Variants in MAN1C1 observed in about 807,000 individuals in gnomAD.
MAN1C1 encodes the protein mannosidase alpha class 1C member 1.
Under a neutral mutation model 71.5 loss-of-function variants are expected in MAN1C1, and 49 were observed. The observed-to-expected ratio is 0.69, with a 90% CI of 0.54 to 0.87. MAN1C1 has a LOEUF of 0.87. Among genes scored for constraint, MAN1C1 ranks in the 40% least tolerant of loss-of-function variants. MAN1C1 has a pLI of 0.00. For synonymous variants in MAN1C1, 352 were observed against 343.7 expected, an observed-to-expected ratio of 1.02 and a Z score of -0.27; for missense variants, 743 against 835.0, an observed-to-expected ratio of 0.89 and a Z score of 1.36.
intron 1 of MAN1C1, among the ~76,000 whole-genome samples, chr1:25,672,582 G>A (rs945498061): frequency 6.6e-6 from 1 of 152,112 alleles, no homozygotes; most frequent in Non-Finnish European, 1.5e-5. Context: ...TGATTCTCCT[G>A]CCTCTCTGTC....
intron 2 of MAN1C1, among the ~76,000 whole-genome samples, chr1:25,742,841 G>A (rs1326318376): frequency 1.3e-5 from 2 of 152,132 alleles, no homozygotes; most frequent in East Asian, 1.9e-4. Flanking sequence ...TTATTCAGTA[G>A]CCAAAGGTCC....
chr1:25,768,478 C>T lies in MAN1C1; in HGVS notation c.1142-3179C>T, dbSNP rs180869453. Among the ~76,000 whole-genome samples the T allele has an allele frequency of 1.4e-3, 172 of 124,304 alleles. 1 individual carries two copies. The highest frequency in any genetic ancestry group is 4.0e-3 in the Admixed American group (50 of 12,656). 81.5% of individuals were successfully genotyped at this position (124,304 alleles called of 152,430 possible). A position where few individuals can be genotyped will look rare whatever the true frequency, so the allele number is the denominator to read the frequency against. Reference sequence around the variant, plus strand: ...ACACTCCCCTCACACACACACATTACACACTCCCCCACACAGACCCACACA... The same window carrying T: ...ACACTCCCCTCACACACACACATTATACACTCCCCCACACAGACCCACACA... On this transcript the variant is annotated intron_variant, in intron 7 of 11. Transcript: ENST00000374332.
At chr1:25,650,491 C>T (rs1261707668) in intron 1 of MAN1C1, among the ~76,000 whole-genome samples, 3 of 152,196 alleles carry the variant, frequency 2.0e-5, no homozygotes, top group Non-Finnish European at 4.4e-5. Flanking sequence ...TGAGGTTGTT[C>T]TGAGGTTATT....
chr1:25,686,409 G>A (rs1276311531), intron 1 of MAN1C1, 31 bp from the exon 2 acceptor site: 3 of 1,595,776 alleles, frequency 1.9e-6, no homozygotes, highest in Non-Finnish European at 2.6e-6. Flanking sequence ...TCGTCACACT[G>A]AGGTTCTCTC....
In MAN1C1 at chr1:25,775,247, C is replaced by T. The variant is rs996061733; in HGVS notation, c.1258-2858C>T. Among the ~76,000 whole-genome samples, 2 of 152,262 alleles carry T rather than the reference C, an allele frequency of 1.3e-5. No individual in the cohort carries two copies. The highest frequency in any genetic ancestry group is 4.8e-5 in the African/African-American group (2 of 41,472). On this transcript the variant is annotated intron_variant, in intron 8 of 11. Transcript: ENST00000374332. This position sits in a 1 kb window ranked among gnomAD's most constrained non-coding sequence, Gnocchi z 5.1. The stretch of plus-strand genomic sequence containing the variant: ...CCGAGCAGCTGCCAGGGACATGGCT[C>T]TGCCCGGGAGCCAGGCCGGGCCCAG...
chr1:25,676,494 T>C (rs539870153), intron 1 of MAN1C1, among the ~76,000 whole-genome samples: 1 of 152,230 alleles, frequency 6.6e-6, no homozygotes, highest in South Asian at 2.1e-4. Context: ...ACGTGGATAG[T>C]TTTTAGGTGC....
intron 1 of MAN1C1, among the ~76,000 whole-genome samples, chr1:25,669,645 A>C (rs1026604344): frequency 6.6e-6 from 1 of 152,122 alleles, no homozygotes; most frequent in Admixed American, 6.5e-5. Context: ...GGTGGCACAC[A>C]CCTGCTACTT....
rs749994207 is a variant in MAN1C1 at position 25,677,814 on chromosome 1, CCTT to C, written c.541-8623_541-8621del. ...TGATGTTGTTTCTCTTGCTGGGTGA[CCTT>C]CTCTCTGACTCCCTGCTGTAAAGAC... On this transcript the variant is annotated intron_variant, in intron 1 of 11. Transcript: ENST00000374332. Among the ~76,000 whole-genome samples the C allele has an allele frequency of 1.6e-4, 24 of 145,744 alleles. No homozygotes were observed. In the East Asian group the frequency reaches 4.8e-3, roughly 29 times the overall value.
chr1:25,781,835 C>T (rs1381829953), intron 10 of MAN1C1, among the ~76,000 whole-genome samples: 1 of 152,200 alleles, frequency 6.6e-6, no homozygotes, highest in East Asian at 1.9e-4. Context: ...GTCTTGTGCT[C>T]CTATGCCCAG....
At chr1:25,750,111 C>T (rs1227639982) in intron 4 of MAN1C1, among the ~76,000 whole-genome samples, 3 of 152,242 alleles carry the variant, frequency 2.0e-5, no homozygotes, top group East Asian at 3.9e-4. Context: ...CTGGGCCTCG[C>T]TTCCTTCCCC....
At chr1:25,719,599 T>A (rs541618361) in intron 2 of MAN1C1, among the ~76,000 whole-genome samples, 30 of 150,890 alleles carry the variant, frequency 2.0e-4, no homozygotes, top group Non-Finnish European at 4.0e-4. Flanking sequence ...TAGTTATTTT[T>A]AAGTTTTTTA....
At chr1:25,715,278 G>C (rs1245423908) in intron 2 of MAN1C1, among the ~76,000 whole-genome samples, 1 of 152,112 alleles carries the variant, frequency 6.6e-6, no homozygotes, top group Admixed American at 6.5e-5. Context: ...GAAAGGGCTG[G>C]ACTGACCAAG....
intron 1 of MAN1C1, among the ~76,000 whole-genome samples, chr1:25,619,041 T>G (rs531166683): frequency 6.6e-6 from 1 of 152,314 alleles, no homozygotes; most frequent in South Asian, 2.1e-4. Context: ...TGGTTCCCTG[T>G]AGGGATTGTA....
intron 2 of MAN1C1, among the ~76,000 whole-genome samples, chr1:25,719,066 A>T (rs2046723564): frequency 6.9e-6 from 1 of 145,264 alleles, no homozygotes; most frequent in South Asian, 2.1e-4. Context: ...TATTATTATT[A>T]TTATTATTAT....
intron 1 of MAN1C1, among the ~76,000 whole-genome samples, chr1:25,647,518 C>T (rs1214649021): frequency 6.6e-6 from 1 of 152,056 alleles, no homozygotes; most frequent in Non-Finnish European, 1.5e-5. Context: ...GGTACCTCGT[C>T]TTAACTCCAA....
chr1:25,763,589 C>T (rs561938526), intron 6 of MAN1C1: 50 of 360,440 alleles, frequency 1.4e-4, no homozygotes, highest in South Asian at 1.3e-3. Context: ...GGATAGGAGT[C>T]GGCCAGGCAG....
rs2124417165 is a variant in MAN1C1 at position 25,780,709 on chromosome 1, G to GA, written c.1478-231_1478-230insA. The GA allele has an allele frequency of 6.0e-6, 3 of 500,264 alleles. No homozygotes were observed. The Admixed American group carries it at 1.0e-4, about 17-fold the overall frequency. The allele number at this position is 500,264 out of a possible 1,614,324, so 31.0% of individuals were successfully genotyped here. On this transcript the variant is annotated intron_variant, in intron 9 of 11. Coordinates refer to ENST00000374332, the MANE Select transcript of MAN1C1 (RefSeq NM_020379.4). The stretch of plus-strand genomic sequence containing the variant: ...ATTTGGACTCTCAGAGTCCAAAGCT[G>GA]CTCACATTTCCAGTCCCCGAGGGTC...
intron 2 of MAN1C1, among the ~76,000 whole-genome samples, chr1:25,715,405 A>G (rs931195204): frequency 6.6e-6 from 1 of 152,208 alleles, no homozygotes; most frequent in Non-Finnish European, 1.5e-5. Context: ...GGACCCGTCA[A>G]CTAGAGAAAG....
At chr1:25,663,381 G>C (rs952798981) in intron 1 of MAN1C1, among the ~76,000 whole-genome samples, 3 of 151,820 alleles carry the variant, frequency 2.0e-5, no homozygotes, top group Non-Finnish European at 1.5e-5. Flanking sequence ...CTGAAACTTC[G>C]GATAGTACTG....
Sources: allele counts gnomAD v4.1 joint callset (sites outside exome capture counted in the v4.1 genomes callset), GRCh38; gene constraint gnomAD v4.1.1; non-coding constraint Gnocchi (gnomAD v3.1); transcripts MANE v1.5; gene names NCBI Gene and HGNC (gene_info 2026-07-23, HGNC 2026-07-21).